Variants in LRRFIP1 observed in about 807,000 individuals in gnomAD.
LRRFIP1 encodes the protein leucine-rich repeat flightless-interacting protein 1.
A neutral mutation model predicts 104.4 loss-of-function variants in LRRFIP1; 62 were observed. That is an observed-to-expected ratio of 0.59 (90% CI 0.48 to 0.73). LRRFIP1 has a LOEUF of 0.73. Ranked by LOEUF, LRRFIP1 falls within the 30% of genes least tolerant of loss-of-function variation. LRRFIP1 has a pLI of 0.00. For missense variants in LRRFIP1, 796 were observed against 824.5 expected (o/e 0.97, Z 0.42); for synonymous variants, 300 against 299.0 (o/e 1.00, Z -0.03).
intron 14 of LRRFIP1, among the ~76,000 whole-genome samples, chr2:237,752,910 G>C (rs1024153984): frequency 1.3e-5 from 2 of 152,178 alleles, no homozygotes; most frequent in African/African-American, 2.4e-5. Flanking sequence ...CTTTCACAAG[G>C]GCTGGTCACA....
chr2:237,700,403 C>T (rs987121795), intron 1 of LRRFIP1, among the ~76,000 whole-genome samples: 7 of 152,142 alleles, frequency 4.6e-5, no homozygotes, highest in African/African-American at 1.7e-4. Context: ...GTCACATTCA[C>T]GTGAGTGAAC....
chr2:237,637,814 G>A (rs1203963115), intron 1 of LRRFIP1, among the ~76,000 whole-genome samples: 1 of 152,168 alleles, frequency 6.6e-6, no homozygotes, highest in African/African-American at 2.4e-5. Flanking sequence ...CATCATGTAG[G>A]TTTATCAATT....
At chr2:237,750,383 C>T (rs2150640660) in intron 13 of LRRFIP1, among the ~76,000 whole-genome samples, 1 of 120,694 alleles carries the variant, frequency 8.3e-6, no homozygotes. Flanking sequence ...GTCACCCATG[C>T]TGGAGTTCAA....
intron 1 of LRRFIP1, chr2:237,692,358 C>T: frequency 7.7e-7 from 1 of 1,294,502 alleles, no homozygotes; most frequent in Non-Finnish European, 9.9e-7. Flanking sequence ...GCTCCGTCTC[C>T]GCGGACAGAG....
At chr2:237,737,203 A>G (rs1576037010) in intron 10 of LRRFIP1, among the ~76,000 whole-genome samples, 1 of 152,208 alleles carries the variant, frequency 6.6e-6, no homozygotes, top group Non-Finnish European at 1.5e-5. Context: ...CACCAGTGGC[A>G]TTGTCTGATC....
chr2:237,631,563 G>T (rs2082344078), intron 1 of LRRFIP1, among the ~76,000 whole-genome samples: 1 of 152,230 alleles, frequency 6.6e-6, no homozygotes. Context: ...ACTTGCAGAA[G>T]CTCATTAGCA....
At position 237,649,398 on chromosome 2, in the gene LRRFIP1, G is replaced by T. The variant is rs1305679765; in HGVS notation, c.96+21658G>T. ...CACAAAAAATTAGCCAGGCATAGTG[G>T]TGGGTGCCTGTAATCCCAGCTACTG... On this transcript the variant is annotated intron_variant, in intron 1 of 23. Coordinates refer to ENST00000308482, the MANE Select transcript of LRRFIP1 (RefSeq NM_001137550.2). This position sits in a 1 kb window ranked among gnomAD's most constrained non-coding sequence, Gnocchi z 4.1. Among the ~76,000 whole-genome samples the T allele has an allele frequency of 2.6e-5, 4 of 152,036 alleles. No individual in the cohort carries two copies. The highest frequency in any genetic ancestry group is 9.6e-5 in the African/African-American group (4 of 41,456).
At chr2:237,657,179 C>T (rs1476345225) in intron 1 of LRRFIP1, among the ~76,000 whole-genome samples, 1 of 152,060 alleles carries the variant, frequency 6.6e-6, no homozygotes, top group Non-Finnish European at 1.5e-5. Context: ...ATGCACGTAC[C>T]AGCCAGGCAG....
At chr2:237,771,962 G>T (rs1323712501) in intron 20 of LRRFIP1, 119 bp from the exon 21 acceptor site, 4 of 660,894 alleles carry the variant, frequency 6.1e-6, no homozygotes, top group Non-Finnish European at 1.1e-5. Context: ...AGTACTGATG[G>T]ACACAAAGTG....
chr2:237,752,526 CT>C (rs768055201), intron 14 of LRRFIP1, among the ~76,000 whole-genome samples: 2 of 152,250 alleles, frequency 1.3e-5, no homozygotes, highest in African/African-American at 2.4e-5. Context: ...CTCCAGCCCC[CT>C]GGTAGCCTCT....
intron 6 of LRRFIP1, among the ~76,000 whole-genome samples, chr2:237,722,595 A>G (rs918085875): frequency 3.3e-5 from 5 of 152,238 alleles, no homozygotes; most frequent in East Asian, 1.9e-4. Flanking sequence ...AGGACAGTAC[A>G]TAAGATGGGG....
intron 15 of LRRFIP1, among the ~76,000 whole-genome samples, chr2:237,754,012 C>T (rs748404444): frequency 3.9e-5 from 6 of 151,988 alleles, no homozygotes; most frequent in East Asian, 1.9e-4. Context: ...AATATTGATA[C>T]GTATAATTTC....
chr2:237,636,330 A>AT (rs1237676758), intron 1 of LRRFIP1, among the ~76,000 whole-genome samples: 1 of 133,620 alleles, frequency 7.5e-6, no homozygotes, highest in Non-Finnish European at 1.6e-5. Context: ...AAAAGAAGTA[A>AT]TTTTTCATTT....
chr2:237,677,171 C>G (rs1349555903), intron 1 of LRRFIP1, among the ~76,000 whole-genome samples: 1 of 152,204 alleles, frequency 6.6e-6, no homozygotes, highest in African/African-American at 2.4e-5. Context: ...AACTGAAACT[C>G]TGCCCCCATT....
intron 11 of LRRFIP1, among the ~76,000 whole-genome samples, chr2:237,743,782 C>T (rs750332918): frequency 6.6e-6 from 1 of 152,046 alleles, no homozygotes; most frequent in African/African-American, 2.4e-5. Context: ...AAAGGTGCCT[C>T]GAGAGAGCTG....
Position 237,717,299 on chromosome 2 carries a change from G to A in LRRFIP1, c.202-463G>A, listed in dbSNP as rs1243950467. ...CATCAGGCAGCTAGAACAAGCGTCA[G>A]CACGCAGTTTCTCCCCTTCTCCTCT... is the stretch of plus-strand genomic sequence containing the variant. On this transcript the variant is annotated intron_variant, in intron 3 of 23. Coordinates refer to ENST00000308482, the MANE Select transcript of LRRFIP1 (RefSeq NM_001137550.2). This position sits in a 1 kb window ranked among gnomAD's most constrained non-coding sequence, Gnocchi z 4.2. 3.3e-5 allele frequency among the ~76,000 whole-genome samples: 5 copies of A among 152,250 alleles called. No homozygotes were observed. Among genetic ancestry groups the A allele is most frequent in the Non-Finnish European group, 5.9e-5 (4 of 68,042 alleles).
rs530798150 is a variant in LRRFIP1, at chr2:237,733,953, G to A, written c.489+135G>A. The A allele has an allele frequency of 9.5e-4, 830 of 878,076 alleles. 1 individual carries two copies. The highest frequency in any genetic ancestry group is 2.0e-3 in the South Asian group (135 of 66,208). 54.4% of individuals were successfully genotyped at this position (878,076 alleles called of 1,614,324 possible). A position where few individuals can be genotyped will look rare whatever the true frequency, so the allele number is the denominator to read the frequency against. ...TTGCACCTTCACGTGGAGCTTACAT[G>A]TGCCAGTGGGGAATGTCTGTCCCCT... On this transcript the variant is annotated intron_variant, in intron 9 of 23. Transcript: ENST00000308482.
chr2:237,633,028 T>C (rs146263275), intron 1 of LRRFIP1, among the ~76,000 whole-genome samples: 13 of 152,338 alleles, frequency 8.5e-5, no homozygotes, highest in Non-Finnish European at 1.5e-4. Context: ...TGGTTTGCCA[T>C]TGGGGCTGGG....
At chr2:237,707,085 C>A (rs2093848597) in intron 1 of LRRFIP1, among the ~76,000 whole-genome samples, 1 of 152,108 alleles carries the variant, frequency 6.6e-6, no homozygotes, top group Non-Finnish European at 1.5e-5. Flanking sequence ...AGAACAAATT[C>A]CTCATGAGGA....
Sources: allele counts gnomAD v4.1 joint callset (sites outside exome capture counted in the v4.1 genomes callset), GRCh38; gene constraint gnomAD v4.1.1; non-coding constraint Gnocchi (gnomAD v3.1); transcripts MANE v1.5; gene names NCBI Gene and HGNC (gene_info 2026-07-23, HGNC 2026-07-21).